The following PCDH15 variants were observed in gnomAD, a reference collection of about 807,000 sequenced individuals.
The protein encoded by PCDH15 is protocadherin related 15.
A neutral mutation model predicts 178.5 loss-of-function variants in PCDH15; 129 were observed. That is an observed-to-expected ratio of 0.72 (90% CI 0.63 to 0.84). The LOEUF is 0.84. Ranked by LOEUF, PCDH15 falls within the 40% of genes least tolerant of loss-of-function variation. The probability of loss-of-function intolerance (pLI) is 0.00; values close to 1 mark genes in which losing one functional copy is unlikely to be tolerated. For missense variants in PCDH15, 2,230 were observed against 2,099.9 expected (o/e 1.06, Z -1.21); for synonymous variants, 800 against 732.0 (o/e 1.09, Z -1.50).
intron 2 of PCDH15, among the ~76,000 whole-genome samples, chr10:55,383,330 C>G (rs894116352): frequency 1.3e-5 from 2 of 152,062 alleles, no homozygotes; most frequent in South Asian, 2.1e-4. Flanking sequence ...TGCCACACCA[C>G]TCTGCTCCTC....
intron 1 of PCDH15, among the ~76,000 whole-genome samples, chr10:55,261,020 G>T (rs187407308): frequency 6.6e-6 from 1 of 151,812 alleles, no homozygotes. Flanking sequence ...TAATGTGATG[G>T]TCCACAAACA....
intron 1 of PCDH15, among the ~76,000 whole-genome samples, chr10:55,254,603 C>T (rs770939159): frequency 6.6e-6 from 1 of 152,096 alleles, no homozygotes; most frequent in Admixed American, 6.5e-5. Context: ...ATCAAGATTG[C>T]CTTTCTCAAG....
intron 2 of PCDH15, among the ~76,000 whole-genome samples, chr10:55,018,401 G>A (rs1052555024): frequency 6.6e-6 from 1 of 151,888 alleles, no homozygotes; most frequent in Non-Finnish European, 1.5e-5. Flanking sequence ...TCTTCTCTAG[G>A]TTATTTTTAA....
At chr10:54,610,266 A>G (rs536056641) in intron 2 of PCDH15, among the ~76,000 whole-genome samples, 18 of 151,986 alleles carry the variant, frequency 1.2e-4, no homozygotes, top group African/African-American at 2.2e-4. Context: ...GATTTGTCCA[A>G]TGGTTTTAAC....
chr10:54,440,932 T>G (rs1271407936), intron 3 of PCDH15, among the ~76,000 whole-genome samples: 1 of 152,006 alleles, frequency 6.6e-6, no homozygotes, highest in African/African-American at 2.4e-5. Flanking sequence ...TACTCTCTTA[T>G]TTTAACCTTT....
chr10:55,135,759 T>C (rs1351844900), intron 2 of PCDH15, among the ~76,000 whole-genome samples: 1 of 151,694 alleles, frequency 6.6e-6, no homozygotes, highest in East Asian at 1.9e-4. Context: ...ATTTTTTGTA[T>C]TTTTAGTAGA....
At chr10:54,738,503 C>A (rs1944395421) in intron 1 of PCDH15, among the ~76,000 whole-genome samples, 1 of 151,954 alleles carries the variant, frequency 6.6e-6, no homozygotes, top group South Asian at 2.1e-4. Context: ...AATAAAAGTT[C>A]TACTCAAACT....
chr10:55,229,594 C>T (rs1429571723), intron 1 of PCDH15, among the ~76,000 whole-genome samples: 1 of 151,866 alleles, frequency 6.6e-6, no homozygotes, highest in Non-Finnish European at 1.5e-5. Flanking sequence ...ACAACTATGT[C>T]CATTATTCAA....
intron 8 of PCDH15, among the ~76,000 whole-genome samples, chr10:54,252,383 A>G (rs1397758388): frequency 6.6e-6 from 1 of 152,196 alleles, no homozygotes; most frequent in Non-Finnish European, 1.5e-5. Flanking sequence ...GACATCACAG[A>G]AGAGGTGTTA....
chr10:54,981,363 C>T (rs1377763639), intron 2 of PCDH15, among the ~76,000 whole-genome samples: 2 of 152,110 alleles, frequency 1.3e-5, no homozygotes, highest in Non-Finnish European at 2.9e-5. Flanking sequence ...TTGCTCACTA[C>T]CCTACTCCCT....
At chr10:54,796,272 A>ATCTATC (rs1564482362) in intron 1 of PCDH15, among the ~76,000 whole-genome samples, 41 of 99,726 alleles carry the variant, frequency 4.1e-4, no homozygotes, top group Middle Eastern at 4.4e-3. Context: ...CTATCTATCT[A>ATCTATC]TGTATCTATG....
rs1268297350 is a variant in PCDH15 at position 55,293,903 on chromosome 10, C to T, written c.-156+25696G>A. ...TCTGCCTGTTACCCAGTTCCAAAGTCGCTTCCACATTTTGGGGTATCTTTT... is the reference window on the plus strand; with the variant it reads ...TCTGCCTGTTACCCAGTTCCAAAGTTGCTTCCACATTTTGGGGTATCTTTT... On this transcript the variant is annotated intron_variant, in intron 1 of 5. Coordinates refer to the PCDH15 transcript ENST00000458638. 4.6e-5 allele frequency among the ~76,000 whole-genome samples: 7 copies of T among 152,146 alleles called. No homozygotes were observed. The South Asian group carries it at 6.2e-4, about 14-fold the overall frequency.
At chr10:54,414,968 G>A (rs1954105783) in intron 3 of PCDH15, among the ~76,000 whole-genome samples, 1 of 151,954 alleles carries the variant, frequency 6.6e-6, no homozygotes, top group Non-Finnish European at 1.5e-5. Flanking sequence ...AAAAAAATTG[G>A]TAAGTATTTG....
chr10:54,528,910 T>G (rs1196196676), intron 2 of PCDH15, among the ~76,000 whole-genome samples: 1 of 151,976 alleles, frequency 6.6e-6, no homozygotes, highest in Non-Finnish European at 1.5e-5. Context: ...GGATGTCAAA[T>G]GTGCACCTCT....
At chr10:54,979,365 A>T (rs1474551637) in intron 2 of PCDH15, among the ~76,000 whole-genome samples, 1 of 152,114 alleles carries the variant, frequency 6.6e-6, no homozygotes, top group South Asian at 2.1e-4. Context: ...GGAGACTAGG[A>T]TCCAAAAGAA....
chr10:55,433,348 T>G (rs1193791260), intron 2 of PCDH15, among the ~76,000 whole-genome samples: 1 of 152,140 alleles, frequency 6.6e-6, no homozygotes, highest in Non-Finnish European at 1.5e-5. Context: ...ATGTTTTCAC[T>G]CGTAAGTGGT....
chr10:54,657,036 T>C (rs200725938), intron 2 of PCDH15, among the ~76,000 whole-genome samples: 1 of 152,114 alleles, frequency 6.6e-6, no homozygotes, highest in East Asian at 1.9e-4. Flanking sequence ...TCCCCTTCTA[T>C]ACAAAGAAAT....
chr10:53,995,046 G>T (rs901860867), intron 21 of PCDH15: 39 of 151,624 alleles, frequency 2.6e-4, no homozygotes, highest in African/African-American at 9.0e-4. Context: ...ATAAAACAAG[G>T]TATTTATAGA....
At chr10:55,043,061 T>C (rs1343263965) in intron 2 of PCDH15, among the ~76,000 whole-genome samples, 2 of 152,164 alleles carry the variant, frequency 1.3e-5, no homozygotes, top group Non-Finnish European at 2.9e-5. Context: ...TCTTTGCTGG[T>C]AATCTAAAAT....
Sources: gnomAD v4.1 joint callset for allele counts (sites outside exome capture counted in the v4.1 genomes callset) on GRCh38, gnomAD v4.1.1 for gene constraint, MANE v1.5 for transcripts, NCBI Gene and HGNC (gene_info 2026-07-23, HGNC 2026-07-21) for gene names.